Variants in ADAM23 observed in about 807,000 individuals in gnomAD.
The protein encoded by ADAM23 is ADAM metallopeptidase domain 23.
ADAM23 carries 33 observed loss-of-function variants against 120.1 expected under a neutral mutation model. That is an observed-to-expected ratio of 0.27 (90% CI 0.21 to 0.37). The LOEUF (loss-of-function observed/expected upper bound fraction) is 0.37, where lower values mean the gene tolerates loss of function less well. ADAM23 is among the 10% of genes least tolerant of loss of function. The pLI, the probability that ADAM23 is intolerant of heterozygous loss-of-function variation, is 1.00. For missense variants in ADAM23, 862 were observed against 1,058.2 expected (o/e 0.81, Z 2.57); for synonymous variants, 367 against 375.2 (o/e 0.98, Z 0.25).
At chr2:206,589,081 C>T (rs1029470831) in intron 20 of ADAM23, among the ~76,000 whole-genome samples, 6 of 152,134 alleles carry the variant, frequency 3.9e-5, no homozygotes, top group African/African-American at 7.2e-5. Flanking sequence ...GATAATCATT[C>T]GCACCTTCCA....
At chr2:206,550,307 G>C in intron 9 of ADAM23, 147 bp downstream of exon 9, 1 of 425,384 alleles carries the variant, frequency 2.4e-6, no homozygotes. Flanking sequence ...TCGGTGTTTG[G>C]AGACTCTGAG....
rs572846258 is a variant in ADAM23 at position 206,485,099 on chromosome 2, A to G, written c.509+3791A>G. Among the ~76,000 whole-genome samples, 3 of 152,290 alleles carry G rather than the reference A, an allele frequency of 2.0e-5. No individual in the cohort carries two copies. The South Asian group carries it at 6.2e-4, about 32-fold the overall frequency. The stretch of plus-strand genomic sequence containing the variant: ...AGCAGCATGAGAATGGACTAATGTA[A>G]TACATCCCCCATGCTGTCCTGAGCT... On this transcript the variant is annotated intron_variant, in intron 3 of 25. Transcript: ENST00000264377.
chr2:206,479,458 G>A (rs1358994453), intron 2 of ADAM23, among the ~76,000 whole-genome samples: 1 of 152,020 alleles, frequency 6.6e-6, no homozygotes, highest in Non-Finnish European at 1.5e-5. Context: ...CTATACTTAA[G>A]GATTTATCTT....
chr2:206,605,102 A>T (rs1223641077), intron 24 of ADAM23, among the ~76,000 whole-genome samples: 3 of 152,158 alleles, frequency 2.0e-5, no homozygotes, highest in Non-Finnish European at 4.4e-5. Flanking sequence ...AGTTATTCAG[A>T]TTCTCACTCT....
chr2:206,497,371 C>G lies in ADAM23; in HGVS notation c.509+16063C>G, dbSNP rs571188605. Among the ~76,000 whole-genome samples the G allele has an allele frequency of 1.2e-3, 180 of 152,230 alleles. 1 individual carries two copies. The highest frequency in any genetic ancestry group is 4.3e-3 in the African/African-American group (177 of 41,538). On this transcript the variant is annotated intron_variant, in intron 3 of 25. Transcript: ENST00000264377. ...ACATACGAAAATCAATAAATGTAAT[C>G]CAGCATATAAACAGAACCAAAGACA...
chr2:206,515,751 T>C lies in ADAM23; in HGVS notation c.510-15134T>C, dbSNP rs376385213. Among the ~76,000 whole-genome samples the C allele has an allele frequency of 1.2e-4, 18 of 152,234 alleles. No homozygotes were observed. In the East Asian group the frequency reaches 1.7e-3, roughly 15 times the overall value. Reference sequence around the variant, plus strand: ...AGACTGGAGTCTAAAAGTGGCCTAATAGGCTTGCTATTTTTAGAGAAGGAG... The same window carrying C: ...AGACTGGAGTCTAAAAGTGGCCTAACAGGCTTGCTATTTTTAGAGAAGGAG... On this transcript the variant is annotated intron_variant, in intron 3 of 25. Coordinates refer to ENST00000264377, the MANE Select transcript of ADAM23 (RefSeq NM_003812.4).
intron 3 of ADAM23, among the ~76,000 whole-genome samples, chr2:206,513,275 T>C (rs1696663127): frequency 6.6e-6 from 1 of 152,188 alleles, no homozygotes. Context: ...AAGTTGTGAA[T>C]GCAAAGGAAA....
intron 2 of ADAM23, among the ~76,000 whole-genome samples, chr2:206,474,253 A>T (rs1695727498): frequency 6.6e-6 from 1 of 152,202 alleles, no homozygotes; most frequent in East Asian, 1.9e-4. Context: ...AACCGCCTTC[A>T]TGTAGCATTT....
At chr2:206,582,197 G>A (rs181563206) in intron 18 of ADAM23, among the ~76,000 whole-genome samples, 1 of 152,124 alleles carries the variant, frequency 6.6e-6, no homozygotes, top group African/African-American at 2.4e-5. Context: ...TAGGTCATTA[G>A]TAATTGTTTG....
At chr2:206,575,224 T>C (rs1415843239) in intron 18 of ADAM23, among the ~76,000 whole-genome samples, 1 of 152,112 alleles carries the variant, frequency 6.6e-6, no homozygotes, top group Non-Finnish European at 1.5e-5. Context: ...TGGAGAATAG[T>C]AGAAACAAAA....
At chr2:206,535,512 T>TTC (rs1372384318) in intron 4 of ADAM23, among the ~76,000 whole-genome samples, 1 of 152,234 alleles carries the variant, frequency 6.6e-6, no homozygotes, top group Non-Finnish European at 1.5e-5. Flanking sequence ...TACATAAATG[T>TTC]TCATAACATT....
intron 6 of ADAM23, among the ~76,000 whole-genome samples, chr2:206,543,558 T>C (rs1007345096): frequency 6.6e-6 from 1 of 152,136 alleles, no homozygotes; most frequent in African/African-American, 2.4e-5. Flanking sequence ...TCCTTCCCAG[T>C]CTATGAAAAG....
intron 9 of ADAM23, among the ~76,000 whole-genome samples, chr2:206,550,939 G>A (rs1697512783): frequency 6.6e-6 from 1 of 152,156 alleles, no homozygotes; most frequent in African/African-American, 2.4e-5. Flanking sequence ...GAATAATCTC[G>A]TGTTAACTTC....
chr2:206,559,111 A>AT (rs1424031515), intron 10 of ADAM23, among the ~76,000 whole-genome samples: 2 of 151,952 alleles, frequency 1.3e-5, no homozygotes, highest in Non-Finnish European at 1.5e-5. Context: ...CACTTGGCTA[A>AT]TTTTTTGTAT....
intron 3 of ADAM23, among the ~76,000 whole-genome samples, chr2:206,485,211 G>A (rs1275352253): frequency 6.6e-6 from 1 of 152,168 alleles, no homozygotes; most frequent in African/African-American, 2.4e-5. Flanking sequence ...GTTGCTGGGG[G>A]TGGGCTCTAG....
intron 2 of ADAM23, among the ~76,000 whole-genome samples, chr2:206,453,440 T>C (rs1406355001): frequency 6.6e-6 from 1 of 152,232 alleles, no homozygotes; most frequent in Non-Finnish European, 1.5e-5. Flanking sequence ...TATACAATTA[T>C]AAGGCTTTAT....
intron 3 of ADAM23, among the ~76,000 whole-genome samples, chr2:206,501,706 T>G (rs1174091593): frequency 6.6e-6 from 1 of 152,106 alleles, no homozygotes; most frequent in Non-Finnish European, 1.5e-5. Context: ...AAGGGATATT[T>G]TGAGTCTATA....
intron 25 of ADAM23, among the ~76,000 whole-genome samples, chr2:206,612,375 T>G (rs902889719): frequency 6.6e-6 from 1 of 152,224 alleles, no homozygotes; most frequent in African/African-American, 2.4e-5. Context: ...GCCTTTGGGT[T>G]TGAGTTCAAT....
intron 21 of ADAM23, 112 bp downstream of exon 21, chr2:206,589,626 C>T (rs940484556): frequency 1.3e-6 from 1 of 777,454 alleles, no homozygotes; most frequent in African/African-American, 1.7e-5. Context: ...GTTCACCATT[C>T]CAAAATTTAA....
Sources: allele counts gnomAD v4.1 joint callset (sites outside exome capture counted in the v4.1 genomes callset), GRCh38; gene constraint gnomAD v4.1.1; transcripts MANE v1.5; gene names NCBI Gene and HGNC (gene_info 2026-07-23, HGNC 2026-07-21).